GNAQ: variants seen among roughly 807,000 people sequenced by gnomAD.
GNAQ encodes the protein guanine nucleotide-binding protein G(q) subunit alpha.
GNAQ carries 8 observed loss-of-function variants against 43.9 expected under a neutral mutation model. The ratio of observed to expected loss-of-function variants is 0.18; its 90% CI spans 0.11 to 0.33. GNAQ has a LOEUF of 0.33. Among genes scored for constraint, GNAQ ranks in the 10% least tolerant of loss-of-function variants. The pLI is 1.00. For missense variants in GNAQ, 158 were observed against 450.8 expected (o/e 0.35, Z 5.88); for synonymous variants, 155 against 170.7 (o/e 0.91, Z 0.71).
At position 77,719,912 on chromosome 9, in the gene GNAQ, G is replaced by C. The variant is rs749960605; in HGVS notation, c.*1411C>G. 15 of 232,306 alleles carry C rather than the reference G, an allele frequency of 6.5e-5. No homozygotes were observed. Among genetic ancestry groups the C allele is most frequent in the South Asian group, 5.4e-4 (3 of 5,512 alleles). 14.4% of individuals were successfully genotyped at this position (232,306 alleles called of 1,614,324 possible). ...GTTACCAGTTCAAGAAGATCATGAA[G>C]GTGGTAAACTAGCAGGAACTTCAGA... On this transcript the variant is annotated 3_prime_UTR_variant, in exon 7 of 7. Coordinates refer to ENST00000286548, the MANE Select transcript of GNAQ (RefSeq NM_002072.5).
chr9:77,917,295 T>C (rs1431172516), intron 2 of GNAQ, among the ~76,000 whole-genome samples: 2 of 152,112 alleles, frequency 1.3e-5, no homozygotes, highest in East Asian at 3.9e-4. Flanking sequence ...CCTTTCCTTT[T>C]TAATTAAGAG....
chr9:77,991,714 C>T (rs1039305630), intron 1 of GNAQ, among the ~76,000 whole-genome samples: 3 of 152,118 alleles, frequency 2.0e-5, no homozygotes, highest in Admixed American at 6.5e-5. Context: ...TTATCCCTCA[C>T]CCCCGTCCCA....
rs532781869 is a variant in GNAQ at position 77,980,122 on chromosome 9, C to T, written c.136+50978G>A. 5.3e-5 allele frequency among the ~76,000 whole-genome samples: 8 copies of T among 152,254 alleles called. 1 individual carries two copies. The highest frequency in any genetic ancestry group is 1.3e-4 in the Admixed American group (2 of 15,294). On this transcript the variant is annotated intron_variant, in intron 1 of 6. Transcript: ENST00000286548. ...ATAAACTACGTTCTTTGTGGTGTGA[C>T]CTCAAGCCTTGAAAGAGTTACTGAA...
At chr9:77,774,319 T>C (rs1374871879) in intron 5 of GNAQ, among the ~76,000 whole-genome samples, 1 of 152,208 alleles carries the variant, frequency 6.6e-6, no homozygotes, top group East Asian at 1.9e-4. Flanking sequence ...AAATGGATGT[T>C]AGAACTAATA....
intron 1 of GNAQ, among the ~76,000 whole-genome samples, chr9:77,986,015 GA>G: frequency 6.6e-6 from 1 of 152,260 alleles, no homozygotes; most frequent in Middle Eastern, 3.4e-3. Context: ...GAAGCAGTCA[GA>G]AAGATACCCT....
At chr9:78,002,760 A>G (rs910622649) in intron 1 of GNAQ, among the ~76,000 whole-genome samples, 1 of 152,232 alleles carries the variant, frequency 6.6e-6, no homozygotes, top group Non-Finnish European at 1.5e-5. Flanking sequence ...CTGAATGGAA[A>G]AAAATCAAAG....
intron 2 of GNAQ, among the ~76,000 whole-genome samples, chr9:77,830,470 A>G (rs574954197): frequency 6.6e-6 from 1 of 152,298 alleles, no homozygotes; most frequent in East Asian, 1.9e-4. Flanking sequence ...GGTGACCAGG[A>G]GTTCTAAGGA....
intron 2 of GNAQ, among the ~76,000 whole-genome samples, chr9:77,883,548 G>T (rs538698058): frequency 6.6e-6 from 1 of 151,740 alleles, no homozygotes; most frequent in East Asian, 1.9e-4. Flanking sequence ...TTTTACATGG[G>T]TATATGGCAT....
chr9:77,752,007 C>T (rs949720925), intron 5 of GNAQ, among the ~76,000 whole-genome samples: 4 of 152,222 alleles, frequency 2.6e-5, no homozygotes, highest in Non-Finnish European at 5.9e-5. Context: ...ATAGACTCAT[C>T]TATCAAAGAG....
chr9:77,732,522 C>T (rs750548599), intron 5 of GNAQ, among the ~76,000 whole-genome samples: 49 of 152,256 alleles, frequency 3.2e-4, no homozygotes, highest in Non-Finnish European at 5.1e-4. Flanking sequence ...TCCGCCACCA[C>T]ACCTGGCTAA....
At chr9:77,767,188 T>TC (rs1826150554) in intron 5 of GNAQ, among the ~76,000 whole-genome samples, 1 of 152,024 alleles carries the variant, frequency 6.6e-6, no homozygotes, top group African/African-American at 2.4e-5. Flanking sequence ...CCCTCTAGGT[T>TC]CCCCCAAAGC....
rs1491412360 is a variant in GNAQ, at chr9:78,008,613, TCA to T, written c.136+22485_136+22486del. On this transcript the variant is annotated intron_variant, in intron 1 of 6. Transcript: ENST00000286548. ...TCATTTCATTTCATTTCATTTCATT[TCA>T]TTTCATTTTATTTTATTTTTTGAGA... 1.7e-3 allele frequency among the ~76,000 whole-genome samples: 242 copies of T among 143,780 alleles called. 1 individual carries two copies. Among genetic ancestry groups the T allele is most frequent in the African/African-American group, 6.6e-3 (221 of 33,684 alleles). The allele number at this position is 143,780 out of a possible 152,430, so 94.3% of individuals were successfully genotyped here. A position where few individuals can be genotyped will look rare whatever the true frequency, so the allele number is the denominator to read the frequency against.
At chr9:77,742,436 T>C (rs1336947210) in intron 5 of GNAQ, among the ~76,000 whole-genome samples, 1 of 152,226 alleles carries the variant, frequency 6.6e-6, no homozygotes, top group Non-Finnish European at 1.5e-5. Flanking sequence ...AAGGTTTCAA[T>C]ATTTTGCCCC....
intron 2 of GNAQ, among the ~76,000 whole-genome samples, chr9:77,823,491 T>A (rs183291838): frequency 1.4e-3 from 211 of 152,306 alleles, no homozygotes; most frequent in Middle Eastern, 3.4e-3. Context: ...TTAATGTTTG[T>A]ATTAACCTGT....
rs1359702388 is a variant in GNAQ at position 77,758,930 on chromosome 9, A to G, written c.736-30263T>C. 2.0e-5 allele frequency among the ~76,000 whole-genome samples: 3 copies of G among 152,202 alleles called. No individual in the cohort carries two copies. In the South Asian group the frequency reaches 6.2e-4, roughly 31 times the overall value. On this transcript the variant is annotated intron_variant, in intron 5 of 6. Transcript: ENST00000286548. ...GAAAGATAATCCAAACTTATTCTCA[A>G]GAGTCTGCTGTATGTTTAAAAAAAA...
At chr9:77,849,027 C>T (rs116981127) in intron 2 of GNAQ, among the ~76,000 whole-genome samples, 1,541 of 152,230 alleles carry the variant, frequency 0.01, 11 homozygotes, top group Admixed American at 0.017. Flanking sequence ...GAAATCTAGC[C>T]CCACTGAGGA....
chr9:77,778,105 A>G (rs1826331540), intron 5 of GNAQ, among the ~76,000 whole-genome samples: 1 of 152,070 alleles, frequency 6.6e-6, no homozygotes, highest in Non-Finnish European at 1.5e-5. Context: ...CAATAAGTGA[A>G]GGTAAATAAA....
chr9:77,782,529 C>G (rs1051686722), intron 5 of GNAQ, among the ~76,000 whole-genome samples: 16 of 152,176 alleles, frequency 1.1e-4, no homozygotes, highest in Admixed American at 2.0e-4. Context: ...CAGTAGAACT[C>G]TCATTCATCA....
chr9:77,928,851 C>T (rs1564154583), intron 1 of GNAQ, among the ~76,000 whole-genome samples: 8 of 152,056 alleles, frequency 5.3e-5, no homozygotes, highest in Admixed American at 3.9e-4. Context: ...GAAACCCCGT[C>T]TCTACTAAAA....
Sources: gnomAD v4.1 joint callset for allele counts (sites outside exome capture counted in the v4.1 genomes callset) on GRCh38, gnomAD v4.1.1 for gene constraint, MANE v1.5 for transcripts, NCBI Gene and HGNC (gene_info 2026-07-23, HGNC 2026-07-21) for gene names.